STON2: variants seen among roughly 807,000 people sequenced by gnomAD.
STON2 encodes the protein stonin-2.
A neutral mutation model predicts 65.7 loss-of-function variants in STON2; 29 were observed. The ratio of observed to expected loss-of-function variants is 0.44; its 90% CI spans 0.33 to 0.60. STON2 has a LOEUF of 0.60. Among genes scored for constraint, STON2 ranks in the 20% least tolerant of loss-of-function variants. STON2 has a pLI of 0.03. For synonymous variants in STON2, 404 were observed against 414.2 expected (o/e 0.98, Z 0.30); for missense variants, 1,054 against 1,118.1 (o/e 0.94, Z 0.82).
chr14:81,398,663 C>T (rs1466865202), intron 1 of STON2, 83 bp from the exon 2 acceptor site: 5 of 283,350 alleles, frequency 1.8e-5, no homozygotes, highest in Non-Finnish European at 2.6e-5. Flanking sequence ...GGGCTTTTAG[C>T]GCTGCCCACA....
intron 2 of STON2, among the ~76,000 whole-genome samples, chr14:81,419,547 C>T (rs918721914): frequency 6.6e-6 from 1 of 152,184 alleles, no homozygotes; most frequent in Admixed American, 6.5e-5. Context: ...TCCATCTGCC[C>T]AATTCCCCTA....
intron 3 of STON2, among the ~76,000 whole-genome samples, chr14:81,377,628 C>G (rs1006584863): frequency 6.6e-6 from 1 of 152,184 alleles, no homozygotes; most frequent in African/African-American, 2.4e-5. Context: ...TATATTCCCA[C>G]CAGCAATGCA....
At chr14:81,280,181 G>C (rs906110642) in intron 5 of STON2, among the ~76,000 whole-genome samples, 7 of 152,064 alleles carry the variant, frequency 4.6e-5, no homozygotes, top group Non-Finnish European at 5.9e-5. Context: ...ACTTTAGCAG[G>C]GCCTTCAAGG....
At chr14:81,331,821 G>A (rs1021488722) in intron 4 of STON2, among the ~76,000 whole-genome samples, 3 of 152,196 alleles carry the variant, frequency 2.0e-5, no homozygotes, top group African/African-American at 7.2e-5. Context: ...TAGCCTAACT[G>A]CTGCCAACTA....
intron 5 of STON2, among the ~76,000 whole-genome samples, chr14:81,284,632 T>G (rs1895262740): frequency 6.6e-6 from 1 of 152,140 alleles, no homozygotes; most frequent in African/African-American, 2.4e-5. Context: ...TTATCCAAAA[T>G]ATTTACCTAA....
At chr14:81,362,884 T>C (rs1481342313) in intron 4 of STON2, among the ~76,000 whole-genome samples, 2 of 152,174 alleles carry the variant, frequency 1.3e-5, no homozygotes, top group African/African-American at 4.8e-5. Flanking sequence ...TGGCTCCTGC[T>C]TACACAAAGG....
rs925177928 is a variant in STON2, at chr14:81,328,448, A to G, written c.572-4261T>C. On this transcript the variant is annotated intron_variant, in intron 4 of 7. Coordinates refer to ENST00000614646, the MANE Select transcript of STON2 (RefSeq NM_001394390.1). ...CAGGGTTGAGGAGCAGAATCAACTC[A>G]ACTATATCTACAGAGAGGTACGAAG... Among the ~76,000 whole-genome samples the G allele has an allele frequency of 1.6e-4, 25 of 152,284 alleles. 1 individual carries two copies. The South Asian group carries it at 5.2e-3, about 32-fold the overall frequency.
rs763501050 is a variant in STON2 at position 81,277,803 on chromosome 14, C to T, written c.1679G>A (p.Arg560His). 30 of 1,614,018 alleles carry T rather than the reference C, an allele frequency of 1.9e-5. No individual in the cohort carries two copies. Among genetic ancestry groups the T allele is most frequent in the African/African-American group, 8.0e-5 (6 of 74,916 alleles). ...NGRIHSLRID[R>H]VTYKEKKKYQ... is the part of the protein sequence containing the mutation. ...TTTCTTCTTCTCTTTATAGGTGACA[C>T]GGTCTATCCGCAAGCTGTGGATTCT... is the stretch of plus-strand genomic sequence containing the variant. The change falls in exon 6 of 8, where the codon CGT (arginine) becomes CAT (histidine). Residue 560 changes from arginine (R) to histidine (H), a missense_variant. Transcript: ENST00000614646.
At chr14:81,404,599 GC>G (rs1900759174), upstream of STON2, among the ~76,000 whole-genome samples, 1 of 152,068 alleles carries the variant, frequency 6.6e-6, no homozygotes, top group Non-Finnish European at 1.5e-5. Context: ...ACCTCTGCAG[GC>G]CCATGTGATC....
intron 5 of STON2, among the ~76,000 whole-genome samples, chr14:81,301,901 A>G (rs1468500328): frequency 6.6e-6 from 1 of 152,182 alleles, no homozygotes; most frequent in Non-Finnish European, 1.5e-5. Flanking sequence ...TCTCAATACA[A>G]TAATATTAAG....
intron 5 of STON2, among the ~76,000 whole-genome samples, chr14:81,318,964 G>A (rs1896724051): frequency 1.3e-5 from 2 of 152,236 alleles, no homozygotes; most frequent in African/African-American, 2.4e-5. Context: ...GACATTATCA[G>A]AAGCTTAAAA....
intron 1 of STON2, among the ~76,000 whole-genome samples, chr14:81,433,983 G>A (rs1249395105): frequency 6.6e-6 from 1 of 152,076 alleles, no homozygotes; most frequent in Admixed American, 6.6e-5. Context: ...ACCCCTGCCT[G>A]CACAAGAGAC....
rs778075204 is a variant in STON2, at chr14:81,277,842, T to C, written c.1640A>G (p.Tyr547Cys). 9 of 1,614,110 alleles carry C rather than the reference T, an allele frequency of 5.6e-6. No individual in the cohort carries two copies. The highest frequency in any genetic ancestry group is 2.2e-5 in the East Asian group (1 of 44,898). Residue 547 changes from tyrosine (Y) to cysteine (C), a missense_variant, in exon 6 of 8, where the codon TAT becomes TGT. Physicochemically the swap from Tyr to Cys is radical, Grantham distance 194 (BLOSUM62 -2). Transcript: ENST00000614646. The part of the protein sequence containing the change: ...HEISEPRLQN[Y>C]DENGRIHSLR... ...GCTGTGGATTCTGCCATTCTCATCA[T>C]AGTTTTGAAGCCGGGGTTCTGAAAT...
chr14:81,278,793 G>A (rs1486859493), intron 5 of STON2, 54 bp from the exon 6 acceptor site: 2 of 1,361,076 alleles, frequency 1.5e-6, no homozygotes, highest in Non-Finnish European at 2.0e-6. Flanking sequence ...TAGAGGTAAG[G>A]AAAACTGAAG....
chr14:81,269,466 T>G (rs1457143212), intron 7 of STON2: 1 of 985,312 alleles, frequency 1.0e-6, no homozygotes, highest in African/African-American at 1.7e-5. Flanking sequence ...CTTTGATAGC[T>G]CAGGCAAGGA....
rs140937528 is a variant in STON2, at chr14:81,327,955, G to A, written c.572-3768C>T. Among the ~76,000 whole-genome samples the A allele has an allele frequency of 9.2e-4, 140 of 152,234 alleles. 1 individual carries two copies. Among genetic ancestry groups the A allele is most frequent in the African/African-American group, 3.3e-3 (137 of 41,534 alleles). On this transcript the variant is annotated intron_variant, in intron 4 of 7. Transcript: ENST00000614646. ...GCCACTTGTGAGCGCTATGACTTTGGTCAAGGCTTTTCATCTTCTTACCCT... is the reference window on the plus strand; with the variant it reads ...GCCACTTGTGAGCGCTATGACTTTGATCAAGGCTTTTCATCTTCTTACCCT...
rs1457182968 is a variant in STON2 at position 81,266,599 on chromosome 14, A to G, written c.*1815T>C. 2 of 852,352 alleles carry G rather than the reference A, an allele frequency of 2.3e-6. No individual in the cohort carries two copies. The highest frequency in any genetic ancestry group is 1.2e-4 in the Admixed American group (2 of 16,110). The allele number at this position is 852,352 out of a possible 1,614,324, so 52.8% of individuals were successfully genotyped here. A position where few individuals can be genotyped will look rare whatever the true frequency, so the allele number is the denominator to read the frequency against. ...TCTCTCTTAAAATATGATACCCATA[A>G]TTGAACTCAACCCTCCATTTAGATA... On this transcript the variant is annotated 3_prime_UTR_variant, in exon 8 of 8. Coordinates refer to ENST00000614646, the MANE Select transcript of STON2 (RefSeq NM_001394390.1).
In STON2 at chr14:81,263,473, G is replaced by A. The variant is rs558448203; in HGVS notation, c.*4941C>T. The stretch of plus-strand genomic sequence containing the variant: ...GAATCACTTGAACCCGGGAGGCGGA[G>A]GTTGCAGTGAGCCGATGTCGTGCCA... On this transcript the variant is annotated 3_prime_UTR_variant, in exon 8 of 8. Coordinates refer to ENST00000614646, the MANE Select transcript of STON2 (RefSeq NM_001394390.1). 1.4e-5 allele frequency among the ~76,000 whole-genome samples: 2 copies of A among 147,910 alleles called. No individual in the cohort carries two copies. Among genetic ancestry groups the A allele is most frequent in the South Asian group, 2.2e-4 (1 of 4,642 alleles).
At chr14:81,333,036 T>C (rs1897263564) in intron 4 of STON2, 3 of 615,340 alleles carry the variant, frequency 4.9e-6, no homozygotes, top group Admixed American at 2.4e-5. Flanking sequence ...TGTGTCCCTC[T>C]TGTTGCTTTC....
Sources: allele counts gnomAD v4.1 joint callset (sites outside exome capture counted in the v4.1 genomes callset), GRCh38; gene constraint gnomAD v4.1.1; transcripts MANE v1.5; gene names NCBI Gene and HGNC (gene_info 2026-07-23, HGNC 2026-07-21).